HMCN1: variants seen among roughly 807,000 people sequenced by gnomAD.
HMCN1 encodes hemicentin 1.
HMCN1 carries 321 observed loss-of-function variants against 625.9 expected under a neutral mutation model. That is an observed-to-expected ratio of 0.51 (90% confidence interval 0.47 to 0.56). The LOEUF is 0.56. Among genes scored for constraint, HMCN1 ranks in the 20% least tolerant of loss-of-function variants. HMCN1 has a pLI of 0.00. For missense variants in HMCN1, 6,588 were observed against 6,887.3 expected, an observed-to-expected ratio of 0.96 and a Z score of 1.54; for synonymous variants, 2,425 against 2,417.6, an observed-to-expected ratio of 1.00 and a Z score of -0.09.
chr1:186,160,852 A>G (rs1209435012), intron 97 of HMCN1, among the ~76,000 whole-genome samples: 11 of 150,586 alleles, frequency 7.3e-5, no homozygotes, highest in Non-Finnish European at 1.0e-4. Flanking sequence ...TATGTGGTCA[A>G]TTTTGGAATA....
At chr1:185,874,691 G>T (rs1663823702) in intron 4 of HMCN1, among the ~76,000 whole-genome samples, 1 of 151,728 alleles carries the variant, frequency 6.6e-6, no homozygotes, top group Admixed American at 6.6e-5. Context: ...AACAGCTTTG[G>T]TATAAGTGAC....
chr1:185,734,736 G>A lies in HMCN1; in HGVS notation c.-44G>A, dbSNP rs1473478567. The A allele has an allele frequency of 2.5e-6, 4 of 1,604,938 alleles. No individual in the cohort carries two copies. The highest frequency in any genetic ancestry group is 3.4e-6 in the Non-Finnish European group (4 of 1,173,086). ...CTGTTGTTGAGGAGGACTGAGCACA[G>A]TGCTTAGGCGCTGAGGGGGAAAAAG... On this transcript the variant is annotated 5_prime_UTR_variant, in exon 1 of 107. In the 5' UTR this introduces an upstream ATG that the reference lacks. Transcript: ENST00000271588.
rs1326427267 is a variant in HMCN1, at chr1:185,847,110, ACTT to A, written c.339+1020_339+1022del. 2.0e-5 allele frequency among the ~76,000 whole-genome samples: 3 copies of A among 149,762 alleles called. No homozygotes were observed. In the East Asian group the frequency reaches 5.8e-4, roughly 29 times the overall value. On this transcript the variant is annotated intron_variant, in intron 2 of 106. Coordinates refer to ENST00000271588, the MANE Select transcript of HMCN1 (RefSeq NM_031935.3). ...CAGGCCATCAGATTTCTTATTTTTC[ACTT>A]CTTCTAATCTAGCTTAGAGTTTTTT...
chr1:186,172,716 TAAAAG>T (rs1400144869), intron 102 of HMCN1, among the ~76,000 whole-genome samples: 11 of 152,080 alleles, frequency 7.2e-5, no homozygotes, highest in African/African-American at 2.7e-4. Context: ...TTTACAAAAA[TAAAAG>T]AGAGATACCA....
At chr1:186,002,129 G>C (rs1012656745) in intron 28 of HMCN1, among the ~76,000 whole-genome samples, 2 of 152,164 alleles carry the variant, frequency 1.3e-5, no homozygotes, top group Admixed American at 6.6e-5. Flanking sequence ...TCCTGAAGCT[G>C]CTAGGCTGTA....
chr1:186,051,336 G>A (rs1656935148), intron 42 of HMCN1, among the ~76,000 whole-genome samples: 1 of 151,986 alleles, frequency 6.6e-6, no homozygotes, highest in Non-Finnish European at 1.5e-5. Flanking sequence ...GGTAAAGGAG[G>A]GATGTCTGTG....
At chr1:185,849,866 A>G (rs1019025400) in intron 2 of HMCN1, among the ~76,000 whole-genome samples, 4 of 151,274 alleles carry the variant, frequency 2.6e-5, no homozygotes, top group African/African-American at 9.7e-5. Context: ...CTCTTATACC[A>G]CGGCATTTTT....
chr1:186,049,697 T>C (rs1340019789), intron 42 of HMCN1, among the ~76,000 whole-genome samples: 1 of 152,060 alleles, frequency 6.6e-6, no homozygotes, highest in Admixed American at 6.6e-5. Flanking sequence ...GATTATAAGC[T>C]GAATTTACCT....
At chr1:186,091,032 CATTAT>C in intron 64 of HMCN1, 115 bp downstream of exon 64, 1 of 1,198,594 alleles carries the variant, frequency 8.3e-7, no homozygotes, top group East Asian at 2.5e-5. Context: ...ACTTAGCTAT[CATTAT>C]ATTCACAAAG....
chr1:185,754,449 A>G (rs72733226), intron 1 of HMCN1, among the ~76,000 whole-genome samples: 4,626 of 152,244 alleles, frequency 0.03, 96 homozygotes, highest in Non-Finnish European at 0.048. Flanking sequence ...CTTTCCAAAC[A>G]TATACGTATT....
At chr1:185,981,291 TA>T (rs1264279545) in intron 17 of HMCN1, among the ~76,000 whole-genome samples, 3 of 152,014 alleles carry the variant, frequency 2.0e-5, no homozygotes. Context: ...GCAATTTAAA[TA>T]AATTATTTCA....
intron 48 of HMCN1, among the ~76,000 whole-genome samples, chr1:186,065,031 T>C (rs1178928081): frequency 6.6e-6 from 1 of 152,148 alleles, no homozygotes; most frequent in Non-Finnish European, 1.5e-5. Flanking sequence ...GAAAATGATT[T>C]ATAATCTATG....
intron 4 of HMCN1, among the ~76,000 whole-genome samples, chr1:185,876,714 A>G (rs569406716): frequency 2.6e-5 from 4 of 152,056 alleles, no homozygotes; most frequent in East Asian, 1.9e-4. Context: ...ATATCTTTGG[A>G]GAACTATCTG....
intron 1 of HMCN1, among the ~76,000 whole-genome samples, chr1:185,761,433 G>GTATGTGTC (rs979085089): frequency 4.6e-5 from 7 of 152,184 alleles, no homozygotes; most frequent in Non-Finnish European, 8.8e-5. Flanking sequence ...TCTTTAGTTT[G>GTATGTGTC]TATGTGTCTA....
At position 186,144,324 on chromosome 1, in the gene HMCN1, C is replaced by T. The variant is rs144621380; in HGVS notation, c.14076C>T (p.Cys4692=). ...GAGCAGAAACACAGATGCAAGTTTG[C>T]AATGAAAGAAATTGTCCAAGTAAGA... ...CDGAETQMQV[C]NERNCPIHGK... is the part of the protein sequence containing the mutation. The change falls in exon 90 of 107, where the codon TGC becomes TGT. Residue 4692 remains cysteine, a synonymous_variant. Coordinates refer to ENST00000271588, the MANE Select transcript of HMCN1 (RefSeq NM_031935.3). 1.2e-4 allele frequency: 198 copies of T among 1,613,610 alleles called. No homozygotes were observed. In the East Asian group the frequency reaches 4.3e-3, roughly 35 times the overall value.
At chr1:185,753,240 A>G (rs113599342) in intron 1 of HMCN1, among the ~76,000 whole-genome samples, 4,678 of 152,200 alleles carry the variant, frequency 0.031, 256 homozygotes, top group African/African-American at 0.11. Context: ...CGGTTAAACT[A>G]AAGTTTTTCC....
At chr1:186,144,725 T>A (rs759506470) in intron 91 of HMCN1, 22 bp downstream of exon 91, 13 of 1,612,340 alleles carry the variant, frequency 8.1e-6, no homozygotes, top group Non-Finnish European at 1.1e-5. Flanking sequence ...AAATAGTGAG[T>A]CAACATTATA....
intron 93 of HMCN1, among the ~76,000 whole-genome samples, chr1:186,148,714 C>T (rs980219496): frequency 6.6e-6 from 1 of 151,996 alleles, no homozygotes; most frequent in African/African-American, 2.4e-5. Context: ...ACCATGTTGG[C>T]CAGGCTGGTC....
chr1:186,067,965 G>T lies in HMCN1; in HGVS notation c.7837G>T (p.Gly2613Cys). The T allele has an allele frequency of 6.2e-7, 1 of 1,613,670 alleles. No homozygotes were observed. Among genetic ancestry groups the T allele is most frequent in the Non-Finnish European group, 8.5e-7 (1 of 1,179,656 alleles). The change falls in exon 50 of 107, where the codon GGC becomes TGC. Residue 2613 changes from glycine (G) to cysteine (C), a missense_variant. Around this residue, in one of 3 missense-constraint regions of HMCN1, gnomAD observed 4,628 missense variants for 4,853.1 expected, o/e 0.95. Transcript: ENST00000271588. ...PPATITWFKD[G>C]TPLESNRNIR... ...AGCTACCATCACCTGGTTTAAGGAT[G>T]GCACTCCTTTAGAATCTAACCGAAA... is the stretch of plus-strand genomic sequence containing the variant.
Sources: allele counts gnomAD v4.1 joint callset (sites outside exome capture counted in the v4.1 genomes callset), GRCh38; gene constraint gnomAD v4.1.1; regional missense constraint gnomAD v4.1.1; transcripts MANE v1.5; gene names NCBI Gene and HGNC (gene_info 2026-07-23, HGNC 2026-07-21).